COL11A1: variants seen among roughly 807,000 people sequenced by gnomAD.
The protein encoded by COL11A1 is collagen alpha-1(XI) chain.
A neutral mutation model predicts 265.2 loss-of-function variants in COL11A1; 74 were observed. The observed-to-expected ratio is 0.28, with a 90% CI of 0.23 to 0.34. The LOEUF (loss-of-function observed/expected upper bound fraction) is 0.34. Among genes scored for constraint, COL11A1 ranks in the 10% least tolerant of loss-of-function variants. The pLI is 1.00. For missense variants in COL11A1, 2,165 were observed against 2,263.6 expected (o/e 0.96, Z 0.88); for synonymous variants, 816 against 727.6 (o/e 1.12, Z -1.96).
intron 65 of COL11A1, 115 bp from the exon 66 acceptor site, chr1:102,880,031 A>G: frequency 1.3e-6 from 1 of 743,076 alleles, no homozygotes; most frequent in Non-Finnish European, 2.3e-6. Context: ...GATGAATCAA[A>G]AGACCCACCT....
intron 6 of COL11A1, chr1:103,025,936 A>G: frequency 1.9e-6 from 3 of 1,612,030 alleles, no homozygotes; most frequent in Non-Finnish European, 2.5e-6. Flanking sequence ...CTTCTTTTTG[A>G]AATTGGATTT....
chr1:102,929,883 C>T (rs1010969623), intron 46 of COL11A1, among the ~76,000 whole-genome samples: 9 of 152,222 alleles, frequency 5.9e-5, no homozygotes, highest in East Asian at 1.9e-4. Flanking sequence ...CATAATTTGG[C>T]TCTCTGTTTG....
chr1:102,889,506 A>T lies in COL11A1; in HGVS notation c.4413T>A (p.Gly1471=). 1 of 1,613,622 alleles carries T rather than the reference A, an allele frequency of 6.2e-7. No individual in the cohort carries two copies. Among genetic ancestry groups the T allele is most frequent in the Non-Finnish European group, 8.5e-7 (1 of 1,179,828 alleles). Residue 1471 remains glycine (G), a synonymous_variant, in exon 59 of 67, where the codon GGT becomes GGA. Coordinates refer to ENST00000370096, the MANE Select transcript of COL11A1 (RefSeq NM_001854.4). ...IGPPGEQGEK[G]DRGLPGTQGS... The stretch of plus-strand genomic sequence containing the variant: ...CTTGAGTTCCAGGGAGCCCTCGGTC[A>T]CCTTTTTCCCCTTGTTCTCCTGGAG...
chr1:103,084,506 A>G (rs1018997370), intron 1 of COL11A1, among the ~76,000 whole-genome samples: 1 of 152,056 alleles, frequency 6.6e-6, no homozygotes, highest in Non-Finnish European at 1.5e-5. Flanking sequence ...AACCAAAAGT[A>G]TCCAGCCATA....
At chr1:103,041,657 G>T (rs766376410) in intron 4 of COL11A1, among the ~76,000 whole-genome samples, 1 of 151,638 alleles carries the variant, frequency 6.6e-6, no homozygotes, top group Non-Finnish European at 1.5e-5. Context: ...GACTTTTAAA[G>T]TATGCATATA....
chr1:103,025,890 G>A (rs1667471001), intron 6 of COL11A1: 1 of 1,612,644 alleles, frequency 6.2e-7, no homozygotes, highest in East Asian at 2.2e-5. Flanking sequence ...TAAACTTTTT[G>A]GATTTTTCCT....
At chr1:102,996,803 T>C (rs1487394280) in intron 26 of COL11A1, among the ~76,000 whole-genome samples, 1 of 151,926 alleles carries the variant, frequency 6.6e-6, no homozygotes, top group East Asian at 1.9e-4. Flanking sequence ...GAGTAATTCT[T>C]GCCCAATTTC....
chr1:102,950,033 T>A (rs1195450078), intron 41 of COL11A1, among the ~76,000 whole-genome samples: 1 of 152,202 alleles, frequency 6.6e-6, no homozygotes, highest in Non-Finnish European at 1.5e-5. Flanking sequence ...CTGTGTCTCA[T>A]GCCTGTAATC....
Position 102,923,376 on chromosome 1 carries a change from G to T in COL11A1, c.3614C>A (p.Pro1205Gln), listed in dbSNP as rs747117487. Residue 1205 changes from proline to glutamine, a missense_variant, in exon 47 of 67, where the codon CCA (proline) becomes CAA (glutamine). Transcript: ENST00000370096. Reference protein sequence around the residue: ...GPIGLQGLPGPPGEKGENGDV... With the variant: ...GPIGLQGLPGQPGEKGENGDV... Reference sequence around the variant, plus strand: ...CCCATTTTCACCTTTTTCACCAGGTGGGCCTGGCAGACCCTAAGAAAATAT... The same window carrying T: ...CCCATTTTCACCTTTTTCACCAGGTTGGCCTGGCAGACCCTAAGAAAATAT... 1.9e-6 allele frequency: 3 copies of T among 1,603,016 alleles called. No homozygotes were observed. The highest frequency in any genetic ancestry group is 2.2e-5 in the South Asian group (2 of 89,526).
intron 1 of COL11A1, among the ~76,000 whole-genome samples, chr1:103,083,401 A>G (rs1672595273): frequency 6.7e-6 from 1 of 149,272 alleles, no homozygotes; most frequent in African/African-American, 2.5e-5. Flanking sequence ...ATGTAGAATT[A>G]AAGTGAAAGC....
At chr1:103,094,520 G>A (rs1335610877) in intron 1 of COL11A1, among the ~76,000 whole-genome samples, 1 of 152,040 alleles carries the variant, frequency 6.6e-6, no homozygotes, top group East Asian at 1.9e-4. Context: ...TTGCACAGGT[G>A]TGTCTGCGTC....
At chr1:103,026,095 T>C in intron 6 of COL11A1, 121 bp downstream of exon 6, 5 of 1,199,530 alleles carry the variant, frequency 4.2e-6, no homozygotes, top group Non-Finnish European at 6.2e-6. Context: ...ATCACAGTTA[T>C]TGGTTCAGAG....
rs1284321142 is a variant in COL11A1, at chr1:102,934,638, T to A, written c.3493-82A>T. The A allele has an allele frequency of 1.7e-5, 18 of 1,083,410 alleles. No homozygotes were observed. The Admixed American group carries it at 2.8e-4, about 17-fold the overall frequency. 67.1% of individuals were successfully genotyped at this position (1,083,410 alleles called of 1,614,324 possible). A position where few individuals can be genotyped will look rare whatever the true frequency, so the allele number is the denominator to read the frequency against. On this transcript the variant is annotated intron_variant, in intron 45 of 66. Coordinates refer to ENST00000370096, the MANE Select transcript of COL11A1 (RefSeq NM_001854.4). ...CATTAAAAAATGTGGCCATTTCTAA[T>A]TTAATCAAAGCAGATGTATTTAAGA...
chr1:102,958,916 T>C (rs2101545457), intron 41 of COL11A1, among the ~76,000 whole-genome samples: 2 of 152,308 alleles, frequency 1.3e-5, no homozygotes. Context: ...ACTGTCATTC[T>C]CTCAAGGACA....
chr1:103,061,617 A>G (rs181960426), intron 4 of COL11A1, among the ~76,000 whole-genome samples: 1 of 152,154 alleles, frequency 6.6e-6, no homozygotes, highest in Admixed American at 6.5e-5. Flanking sequence ...CATACTTCTA[A>G]CTAATACATG....
intron 37 of COL11A1, among the ~76,000 whole-genome samples, chr1:102,967,982 G>T (rs915395741): frequency 1.3e-5 from 2 of 152,184 alleles, no homozygotes; most frequent in African/African-American, 4.8e-5. Context: ...GCCCATTTGT[G>T]TGAGTGATGG....
chr1:103,054,692 G>A (rs923160236), intron 4 of COL11A1, among the ~76,000 whole-genome samples: 12 of 151,870 alleles, frequency 7.9e-5, no homozygotes, highest in Admixed American at 5.2e-4. Context: ...GCCTGAGGTC[G>A]GGAGTTCGAG....
At chr1:102,957,793 C>T (rs1660515454) in intron 41 of COL11A1, among the ~76,000 whole-genome samples, 1 of 151,694 alleles carries the variant, frequency 6.6e-6, no homozygotes. Context: ...TGGGCAAGCT[C>T]TATACTTCTT....
chr1:103,046,709 G>T (rs1669300177), intron 4 of COL11A1, among the ~76,000 whole-genome samples: 1 of 151,172 alleles, frequency 6.6e-6, no homozygotes, highest in Non-Finnish European at 1.5e-5. Flanking sequence ...GTAATGCCTA[G>T]GTTTTCTTCT....
Sources: gnomAD v4.1 joint callset for allele counts (sites outside exome capture counted in the v4.1 genomes callset) on GRCh38, gnomAD v4.1.1 for gene constraint, MANE v1.5 for transcripts, NCBI Gene and HGNC (gene_info 2026-07-23, HGNC 2026-07-21) for gene names.